Variants in UBAC2 observed in about 807,000 individuals in gnomAD.
UBAC2 encodes the protein ubiquitin-associated domain-containing protein 2.
Under a neutral mutation model 44.0 loss-of-function variants are expected in UBAC2, and 26 were observed. The ratio of observed to expected loss-of-function variants is 0.59; its 90% CI spans 0.43 to 0.82. The LOEUF (loss-of-function observed/expected upper bound fraction) is 0.82. Ranked by LOEUF, UBAC2 falls within the 40% of genes least tolerant of loss-of-function variation. The pLI is 0.00. For synonymous variants in UBAC2, 155 were observed against 154.3 expected (o/e 1.00, Z -0.04); for missense variants, 329 against 419.4 (o/e 0.78, Z 1.88).
At chr13:99,347,333 C>CA (rs2045005577) in intron 7 of UBAC2, among the ~76,000 whole-genome samples, 1 of 81,408 alleles carries the variant, frequency 1.2e-5, no homozygotes, top group African/African-American at 4.0e-5. Context: ...CCCCCCCCCC[C>CA]CAGGAAAAAA....
At chr13:99,349,967 A>G (rs1260532569) in intron 7 of UBAC2, among the ~76,000 whole-genome samples, 1 of 152,172 alleles carries the variant, frequency 6.6e-6, no homozygotes, top group Non-Finnish European at 1.5e-5. Context: ...CTTCGCAGAC[A>G]CTGGCATTAC....
At chr13:99,254,380 T>C (rs73565964) in intron 4 of UBAC2, among the ~76,000 whole-genome samples, 1,642 of 152,334 alleles carry the variant, frequency 0.011, 32 homozygotes, top group African/African-American at 0.038. Context: ...TGGGGATGGC[T>C]GTAACAGGCC....
At chr13:99,308,574 A>G (rs902664442) in intron 4 of UBAC2, 2 of 152,214 alleles carry the variant, frequency 1.3e-5, no homozygotes, top group African/African-American at 4.8e-5. Context: ...TTGAGGGATG[A>G]TGTAAACAGA....
intron 6 of UBAC2, among the ~76,000 whole-genome samples, chr13:99,318,865 A>G (rs1179484332): frequency 6.6e-6 from 1 of 150,994 alleles, no homozygotes; most frequent in East Asian, 1.9e-4. Flanking sequence ...GAAAATTGAG[A>G]CAAAGGAGGC....
intron 4 of UBAC2, among the ~76,000 whole-genome samples, chr13:99,281,192 A>C (rs182842101): frequency 5.3e-5 from 8 of 150,446 alleles, no homozygotes; most frequent in South Asian, 2.1e-4. Context: ...CCATCTCAAA[A>C]AAAACAAAAC....
Position 99,300,983 on chromosome 13 carries a change from A to G in UBAC2, c.390-13114A>G, listed in dbSNP as rs151299654. 4.4e-3 allele frequency among the ~76,000 whole-genome samples: 664 copies of G among 150,258 alleles called. 6 individuals are homozygous for G. Among genetic ancestry groups the G allele is most frequent in the East Asian group, 0.029 (152 of 5,180 alleles). The stretch of plus-strand genomic sequence containing the variant: ...CAGCTTCTGACATGTTATTTAAGAT[A>G]TATTTATATAAACTAAGGTATACTA... On this transcript the variant is annotated intron_variant, in intron 4 of 8. Transcript: ENST00000403766.
chr13:99,238,486 G>A lies in UBAC2; in HGVS notation c.91G>A (p.Ala31Thr), dbSNP rs200763660. ...LVPSALSLLLALLLPHCQKLF... is the reference protein window; with the variant it reads ...LVPSALSLLLTLLLPHCQKLF... ...CCCCAGTGCCCTCTCCCTCCTGCTC[G>A]CCCTCCTCCTGCCTCACTGCCAGAA... Residue 31 changes from alanine (A) to threonine (T), a missense_variant, in exon 2 of 9, where the codon GCC (alanine) becomes ACC (threonine). Physicochemically the swap from Ala to Thr is moderately conservative, Grantham distance 58. Transcript: ENST00000403766. 2.4e-5 allele frequency: 38 copies of A among 1,613,758 alleles called. No homozygotes were observed. The highest frequency in any genetic ancestry group is 4.5e-5 in the East Asian group (2 of 44,884).
chr13:99,211,774 A>C (rs2042939288), intron 1 of UBAC2, among the ~76,000 whole-genome samples: 1 of 152,208 alleles, frequency 6.6e-6, no homozygotes, highest in Non-Finnish European at 1.5e-5. Context: ...GTGTCTCCCA[A>C]CCACTGGGAT....
chr13:99,360,878 T>C (rs1409210788), intron 7 of UBAC2, among the ~76,000 whole-genome samples: 1 of 152,146 alleles, frequency 6.6e-6, no homozygotes, highest in Non-Finnish European at 1.5e-5. Flanking sequence ...CCCGAGGAGA[T>C]GGGGCGCTCT....
intron 6 of UBAC2, among the ~76,000 whole-genome samples, chr13:99,321,542 G>A (rs886101703): frequency 2.0e-5 from 3 of 152,040 alleles, no homozygotes; most frequent in South Asian, 2.1e-4. Flanking sequence ...AACTCCTGAC[G>A]TCAGGGGATC....
chr13:99,279,606 G>A (rs982046666), intron 4 of UBAC2, among the ~76,000 whole-genome samples: 1 of 152,180 alleles, frequency 6.6e-6, no homozygotes, highest in Non-Finnish European at 1.5e-5. Context: ...ATGCCTCACT[G>A]CCTTAGCCTG....
At position 99,382,745 on chromosome 13, in the gene UBAC2, G is replaced by A. The variant is rs533523803; in HGVS notation, c.928-2483G>A. 3.3e-5 allele frequency among the ~76,000 whole-genome samples: 5 copies of A among 152,196 alleles called. No individual in the cohort carries two copies. In the East Asian group the frequency reaches 9.6e-4, roughly 29 times the overall value. ...GGAGCCCAGGACAGAAGGCAGTGGGGCAATGAGGACTTCGCTCTGGGGGCC... is the reference window on the plus strand; with the variant it reads ...GGAGCCCAGGACAGAAGGCAGTGGGACAATGAGGACTTCGCTCTGGGGGCC... On this transcript the variant is annotated intron_variant, in intron 8 of 8. Coordinates refer to ENST00000403766, the MANE Select transcript of UBAC2 (RefSeq NM_001144072.2).
chr13:99,351,140 T>C (rs550333420), intron 7 of UBAC2, among the ~76,000 whole-genome samples: 1 of 152,262 alleles, frequency 6.6e-6, no homozygotes, highest in South Asian at 2.1e-4. Flanking sequence ...CTGTTGTCAT[T>C]GGGGATAAAA....
chr13:99,309,027 A>G (rs2044376345), intron 4 of UBAC2, among the ~76,000 whole-genome samples: 1 of 152,192 alleles, frequency 6.6e-6, no homozygotes, highest in African/African-American at 2.4e-5. Context: ...TAATTTTGAA[A>G]TAGTTATATT....
At chr13:99,230,886 T>G (rs2043165121) in intron 1 of UBAC2, among the ~76,000 whole-genome samples, 1 of 151,992 alleles carries the variant, frequency 6.6e-6, no homozygotes, top group Admixed American at 6.6e-5. Flanking sequence ...CCATTTCTAG[T>G]AAAAATACAA....
chr13:99,255,743 A>T (rs767809276), intron 4 of UBAC2: 1 of 1,614,066 alleles, frequency 6.2e-7, no homozygotes, highest in Non-Finnish European at 8.5e-7. Context: ...AAAACCCATA[A>T]TGCAGTGATG....
At chr13:99,315,051 C>T (rs1427642112) in intron 5 of UBAC2, among the ~76,000 whole-genome samples, 1 of 152,176 alleles carries the variant, frequency 6.6e-6, no homozygotes, top group Non-Finnish European at 1.5e-5. Context: ...CTTCCTCCCT[C>T]CCCTTTTAAC....
intron 4 of UBAC2, among the ~76,000 whole-genome samples, chr13:99,260,795 A>T (rs1361874687): frequency 6.6e-6 from 1 of 152,108 alleles, no homozygotes; most frequent in Non-Finnish European, 1.5e-5. Flanking sequence ...TTGGAATATG[A>T]GTGAAGGAGA....
At chr13:99,365,571 T>A (rs1393775096) in intron 7 of UBAC2, among the ~76,000 whole-genome samples, 1 of 152,178 alleles carries the variant, frequency 6.6e-6, no homozygotes, top group Non-Finnish European at 1.5e-5. Context: ...GTTTTTTGTT[T>A]TAGTTATTAT....
Sources: allele counts gnomAD v4.1 joint callset (sites outside exome capture counted in the v4.1 genomes callset), GRCh38; gene constraint gnomAD v4.1.1; transcripts MANE v1.5; gene names NCBI Gene and HGNC (gene_info 2026-07-23, HGNC 2026-07-21).